The following SNRPB2 variants were observed in gnomAD, a reference collection of about 807,000 sequenced individuals.
SNRPB2 encodes small nuclear ribonucleoprotein polypeptide B2, also known as U2 small nuclear ribonucleoprotein B''.
SNRPB2 carries 16 observed loss-of-function variants against 26.3 expected under a neutral mutation model. That is an observed-to-expected ratio of 0.61 (90% CI 0.41 to 0.92). The LOEUF is 0.92. Among genes scored for constraint, SNRPB2 ranks in the 40% least tolerant of loss-of-function variants. SNRPB2 has a pLI of 0.00. For missense variants in SNRPB2, 179 were observed against 268.1 expected (o/e 0.67, Z 2.32); for synonymous variants, 75 against 89.0 (o/e 0.84, Z 0.88).
chr20:16,736,421 C>A (rs1166640914), intron 3 of SNRPB2, among the ~76,000 whole-genome samples: 1 of 152,074 alleles, frequency 6.6e-6, no homozygotes, highest in Admixed American at 6.5e-5. Context: ...CAGAGCTGTA[C>A]ATCCAAAAAG....
intron 4 of SNRPB2, among the ~76,000 whole-genome samples, chr20:16,737,848 A>C (rs527984592): frequency 1.6e-4 from 24 of 152,014 alleles, no homozygotes; most frequent in African/African-American, 5.5e-4. Context: ...CATCCTGGCT[A>C]ACACGGTGAA....
chr20:16,738,001 T>C (rs1172913539), intron 4 of SNRPB2, among the ~76,000 whole-genome samples: 3 of 137,634 alleles, frequency 2.2e-5, no homozygotes, highest in Non-Finnish European at 4.5e-5. Flanking sequence ...ATTGTGCCAC[T>C]GAACTCCAGC....
intron 5 of SNRPB2, 56 bp downstream of exon 5, chr20:16,738,958 A>G: frequency 1.7e-6 from 2 of 1,149,622 alleles, no homozygotes; most frequent in South Asian, 2.5e-5. Flanking sequence ...AAATTACAGC[A>G]GTGGTATAAA....
intron 2 of SNRPB2, 63 bp from the exon 3 acceptor site, chr20:16,732,101 T>C (rs1457328937): frequency 2.0e-6 from 2 of 1,009,372 alleles, no homozygotes; most frequent in Admixed American, 2.5e-5. Context: ...TGCAGTATCA[T>C]TTTATGAAGA....
chr20:16,733,915 T>C (rs2072409263), intron 3 of SNRPB2, among the ~76,000 whole-genome samples: 1 of 152,186 alleles, frequency 6.6e-6, no homozygotes, highest in African/African-American at 2.4e-5. Flanking sequence ...TTTTAGTATA[T>C]TGGTGTTTCC....
At position 16,732,219 on chromosome 20, in the gene SNRPB2, T is replaced by C. The variant is rs1303937274; in HGVS notation, c.120T>C (p.Ile40=). 3.7e-6 allele frequency: 6 copies of C among 1,605,014 alleles called. No homozygotes were observed. The Admixed American group carries it at 8.5e-5, about 23-fold the overall frequency. The change falls in exon 3 of 7, where the codon ATT becomes ATC. Residue 40 remains isoleucine, a synonymous_variant. Coordinates refer to ENST00000246071, the MANE Select transcript of SNRPB2 (RefSeq NM_003092.5). The part of the protein sequence containing the change: ...LFSQFGHVVD[I]VALKTMKMRG... ...CTCAGTTTGGTCATGTGGTGGACAT[T>C]GTGGCTTTAAAGACCATGAAGATGA...
chr20:16,733,555 T>C (rs1426838046), intron 3 of SNRPB2, among the ~76,000 whole-genome samples: 1 of 152,230 alleles, frequency 6.6e-6, no homozygotes, highest in Non-Finnish European at 1.5e-5. Context: ...TGATTTTTTT[T>C]CTGCATTACA....
At chr20:16,733,547 A>AT (rs1458197814) in intron 3 of SNRPB2, among the ~76,000 whole-genome samples, 1 of 152,050 alleles carries the variant, frequency 6.6e-6, no homozygotes. Context: ...TAGTATTGTG[A>AT]TTTTTTTTCT....
In SNRPB2 at chr20:16,742,528, T is replaced by A. The variant is rs2072469614; in HGVS notation, c.*1523T>A. On this transcript the variant is annotated 3_prime_UTR_variant, in exon 7 of 7. Coordinates refer to ENST00000246071, the MANE Select transcript of SNRPB2 (RefSeq NM_003092.5). ...AGAATTTTTTTAAAGTGGGTTAGAA[T>A]TTACGTACAATAAAGTTCACCCATG... The A allele has an allele frequency of 6.6e-6, 1 of 152,112 alleles. No homozygotes were observed. Among genetic ancestry groups the A allele is most frequent in the Non-Finnish European group, 1.5e-5 (1 of 68,030 alleles). 9.4% of individuals were successfully genotyped at this position (152,112 alleles called of 1,614,324 possible). A position where few individuals can be genotyped will look rare whatever the true frequency, so the allele number is the denominator to read the frequency against.
intron 2 of SNRPB2, 88 bp from the exon 3 acceptor site, chr20:16,732,076 G>T: frequency 2.6e-6 from 2 of 770,778 alleles, no homozygotes; most frequent in East Asian, 5.3e-5. Context: ...GTGAATGGTG[G>T]GGGGGGCAAC....
At chr20:16,733,359 T>C (rs986506197) in intron 3 of SNRPB2, among the ~76,000 whole-genome samples, 1 of 152,276 alleles carries the variant, frequency 6.6e-6, no homozygotes, top group Non-Finnish European at 1.5e-5. Context: ...AAAATTCATG[T>C]AGGCCATGCT....
At chr20:16,738,749 C>G (rs957357578) in intron 4 of SNRPB2, 103 bp from the exon 5 acceptor site, 4 of 714,968 alleles carry the variant, frequency 5.6e-6, no homozygotes, top group Non-Finnish European at 1.0e-5. Flanking sequence ...AAGGATATCT[C>G]TTGGAATTAA....
At chr20:16,732,049 T>C in intron 2 of SNRPB2, 115 bp from the exon 3 acceptor site, 1 of 669,416 alleles carries the variant, frequency 1.5e-6, no homozygotes, top group Non-Finnish European at 2.5e-6. Context: ...TATTAAAATA[T>C]ATAACTGTAT....
intron 3 of SNRPB2, among the ~76,000 whole-genome samples, chr20:16,734,427 C>G (rs968379649): frequency 6.6e-6 from 1 of 152,166 alleles, no homozygotes; most frequent in South Asian, 2.1e-4. Flanking sequence ...CAGAATTACT[C>G]TCTCTGATTC....
At chr20:16,736,000 G>A (rs758032705) in intron 3 of SNRPB2, among the ~76,000 whole-genome samples, 1 of 152,214 alleles carries the variant, frequency 6.6e-6, no homozygotes, top group South Asian at 2.1e-4. Flanking sequence ...ATGCATTTTT[G>A]TTGTTGTTGT....
Position 16,732,196 on chromosome 20 carries a change from C to T in SNRPB2, c.97C>T (p.Gln33Ter). 1 of 1,602,580 alleles carries T rather than the reference C, an allele frequency of 6.2e-7. No individual in the cohort carries two copies. Among genetic ancestry groups the T allele is most frequent in the Non-Finnish European group, 8.5e-7 (1 of 1,173,610 alleles). Residue 33 changes from glutamine (Q) to a stop codon, truncating the protein, a stop_gained, in exon 3 of 7, where the codon CAG becomes TAG. Coordinates refer to ENST00000246071, the MANE Select transcript of SNRPB2 (RefSeq NM_003092.5). LOFTEE classifies it high-confidence loss of function. ...GAGATCCCTATATGCCCTGTTTTCT[C>T]AGTTTGGTCATGTGGTGGACATTGT... is the stretch of plus-strand genomic sequence containing the variant. ...LKRSLYALFS[Q>*]FGHVVDIVAL...
intron 3 of SNRPB2, among the ~76,000 whole-genome samples, chr20:16,735,059 A>G (rs1245636958): frequency 2.0e-5 from 3 of 152,222 alleles, no homozygotes; most frequent in African/African-American, 7.2e-5. Flanking sequence ...ACGGCAGCCC[A>G]GACCAGCCAG....
In SNRPB2 at chr20:16,735,264, G is replaced by A. The variant is rs144255094; in HGVS notation, c.238-1997G>A. ...GATCAAGATCAAATTCTTGTTATACGAGGCAATAAAATTTTGCATACCTAT... is the reference window on the plus strand; with the variant it reads ...GATCAAGATCAAATTCTTGTTATACAAGGCAATAAAATTTTGCATACCTAT... On this transcript the variant is annotated intron_variant, in intron 3 of 6. Coordinates refer to ENST00000246071, the MANE Select transcript of SNRPB2 (RefSeq NM_003092.5). Among the ~76,000 whole-genome samples, 340 of 151,064 alleles carry A rather than the reference G, an allele frequency of 2.3e-3. 2 individuals are homozygous for A. Among genetic ancestry groups the A allele is most frequent in the Non-Finnish European group, 3.6e-3 (245 of 67,982 alleles).
At chr20:16,737,238 C>T (rs1327871755) in intron 3 of SNRPB2, 23 bp from the exon 4 acceptor site, 4 of 1,556,738 alleles carry the variant, frequency 2.6e-6, no homozygotes, top group Non-Finnish European at 1.7e-6. Context: ...GAGAAGTAAC[C>T]TGTTTTCAAA....
Sources: gnomAD v4.1 joint callset for allele counts (sites outside exome capture counted in the v4.1 genomes callset) on GRCh38, gnomAD v4.1.1 for gene constraint, MANE v1.5 for transcripts, NCBI Gene and HGNC (gene_info 2026-07-23, HGNC 2026-07-21) for gene names.